The following SUCLG2 variants were observed in gnomAD, a reference collection of about 807,000 sequenced individuals.
SUCLG2 encodes the protein succinate-CoA ligase GDP-forming subunit beta.
In SUCLG2, 42 loss-of-function variants were observed where a neutral mutation model predicts 47.9. That is an observed-to-expected ratio of 0.88 (90% CI 0.69 to 1.14). The LOEUF (loss-of-function observed/expected upper bound fraction) is 1.14, where lower values mean the gene tolerates loss of function less well. SUCLG2 is among the 50% of genes most tolerant of loss of function. The pLI, the probability that SUCLG2 is intolerant of heterozygous loss-of-function variation, is 0.00. For synonymous variants in SUCLG2, 195 were observed against 197.3 expected, an observed-to-expected ratio of 0.99 and a Z score of 0.10; for missense variants, 571 against 525.9, an observed-to-expected ratio of 1.09 and a Z score of -0.84.
intron 10 of SUCLG2, among the ~76,000 whole-genome samples, chr3:67,365,063 A>G (rs190225802): frequency 6.6e-6 from 1 of 152,366 alleles, no homozygotes; most frequent in Admixed American, 6.5e-5. Context: ...CACAGAGAAA[A>G]GCATCTGTAA....
intron 9 of SUCLG2, among the ~76,000 whole-genome samples, chr3:67,470,833 T>A (rs1704586681): frequency 6.6e-6 from 1 of 152,216 alleles, no homozygotes; most frequent in Non-Finnish European, 1.5e-5. Context: ...GAGTTCTCAG[T>A]TGCCACCACT....
chr3:67,577,999 A>G (rs1559580051), intron 2 of SUCLG2, among the ~76,000 whole-genome samples: 1 of 152,054 alleles, frequency 6.6e-6, no homozygotes, highest in Non-Finnish European at 1.5e-5. Flanking sequence ...GCTTGGTGAG[A>G]GCAGGTGAAG....
chr3:67,361,682 T>C (rs748188659), intron 10 of SUCLG2, among the ~76,000 whole-genome samples: 1 of 152,222 alleles, frequency 6.6e-6, no homozygotes, highest in Non-Finnish European at 1.5e-5. Context: ...GGCCCAATTC[T>C]TCATCCTTTC....
At chr3:67,633,012 T>C (rs1467343850) in intron 1 of SUCLG2, among the ~76,000 whole-genome samples, 3 of 152,222 alleles carry the variant, frequency 2.0e-5, no homozygotes, top group Non-Finnish European at 4.4e-5. Flanking sequence ...AGATATTTTA[T>C]AATCCTTCAT....
intron 2 of SUCLG2, among the ~76,000 whole-genome samples, chr3:67,576,464 A>C (rs1200163819): frequency 6.6e-6 from 1 of 152,212 alleles, no homozygotes; most frequent in African/African-American, 2.4e-5. Context: ...GAGTTTTCAG[A>C]AGTATTTCCC....
intron 2 of SUCLG2, among the ~76,000 whole-genome samples, chr3:67,589,681 G>A (rs530626923): frequency 6.6e-6 from 1 of 152,328 alleles, no homozygotes; most frequent in South Asian, 2.1e-4. Context: ...AGCATCTGCT[G>A]TCCTCTAATT....
chr3:67,474,904 C>T (rs553007343), intron 9 of SUCLG2, among the ~76,000 whole-genome samples: 1 of 152,022 alleles, frequency 6.6e-6, no homozygotes, highest in Non-Finnish European at 1.5e-5. Context: ...ACAACACCAA[C>T]ATAAGTAGGC....
At chr3:67,399,668 A>G (rs377547011) in intron 10 of SUCLG2, among the ~76,000 whole-genome samples, 18 of 152,326 alleles carry the variant, frequency 1.2e-4, no homozygotes, top group East Asian at 5.8e-4. Context: ...GAAGATCTGC[A>G]TAATCACAAA....
chr3:67,469,394 C>T (rs62256390), intron 9 of SUCLG2, among the ~76,000 whole-genome samples: 3,387 of 152,220 alleles, frequency 0.022, 56 homozygotes, highest in Non-Finnish European at 0.037. Context: ...TTACCCTAGG[C>T]CTCACATGAC....
At chr3:67,555,243 C>A (rs1707127028) in intron 2 of SUCLG2, among the ~76,000 whole-genome samples, 1 of 152,094 alleles carries the variant, frequency 6.6e-6, no homozygotes, top group African/African-American at 2.4e-5. Flanking sequence ...TCAATATAAA[C>A]CCAATATTTT....
chr3:67,654,445 G>A, intron 1 of SUCLG2, 58 bp downstream of exon 1: 1 of 1,206,098 alleles, frequency 8.3e-7, no homozygotes, highest in South Asian at 4.2e-5. Context: ...GGGGGCGAGG[G>A]AAGCCCGGGC....
chr3:67,362,027 G>A (rs1226588845), intron 10 of SUCLG2, among the ~76,000 whole-genome samples: 1 of 152,238 alleles, frequency 6.6e-6, no homozygotes, highest in East Asian at 1.9e-4. Context: ...CAAACCAACA[G>A]GAAAAATTGC....
intron 2 of SUCLG2, among the ~76,000 whole-genome samples, chr3:67,581,323 A>T (rs1367432784): frequency 6.6e-6 from 1 of 152,252 alleles, no homozygotes; most frequent in Non-Finnish European, 1.5e-5. Flanking sequence ...AAGACTTGGT[A>T]AGCAGATGTG....
intron 1 of SUCLG2, among the ~76,000 whole-genome samples, chr3:67,644,031 T>G (rs1031755191): frequency 6.6e-6 from 1 of 152,172 alleles, no homozygotes; most frequent in Non-Finnish European, 1.5e-5. Context: ...TCAATGAATA[T>G]GAATATACAA....
At chr3:67,629,112 A>G (rs1237623931) in intron 1 of SUCLG2, among the ~76,000 whole-genome samples, 1 of 152,206 alleles carries the variant, frequency 6.6e-6, no homozygotes, top group Non-Finnish European at 1.5e-5. Flanking sequence ...AGAGAGGCTG[A>G]GCACCATATT....
chr3:67,588,624 C>A (rs1356069326), intron 2 of SUCLG2, among the ~76,000 whole-genome samples: 14 of 152,166 alleles, frequency 9.2e-5, no homozygotes, highest in Admixed American at 9.2e-4. Flanking sequence ...ATACCCAACA[C>A]CAAGAGCATG....
chr3:67,599,442 C>T (rs1330257191), intron 2 of SUCLG2, among the ~76,000 whole-genome samples: 2 of 152,160 alleles, frequency 1.3e-5, no homozygotes, highest in Non-Finnish European at 2.9e-5. Flanking sequence ...AAACAAGGAA[C>T]AGTAGTAAGA....
intron 2 of SUCLG2, among the ~76,000 whole-genome samples, chr3:67,577,937 A>G (rs1707784973): frequency 6.6e-6 from 1 of 152,204 alleles, no homozygotes; most frequent in Non-Finnish European, 1.5e-5. Context: ...AGCAATAGGA[A>G]GAAGAGAAGG....
At chr3:67,468,287 G>A (rs77585008) in intron 9 of SUCLG2, among the ~76,000 whole-genome samples, 2,921 of 152,334 alleles carry the variant, frequency 0.019, 44 homozygotes, top group Middle Eastern at 0.037. Flanking sequence ...CAGTCTAGCA[G>A]AAAAAGTAGG....
Sources: gnomAD v4.1 joint callset for allele counts (sites outside exome capture counted in the v4.1 genomes callset) on GRCh38, gnomAD v4.1.1 for gene constraint, MANE v1.5 for transcripts, NCBI Gene and HGNC (gene_info 2026-07-23, HGNC 2026-07-21) for gene names.